The following KIF17 variants were observed in gnomAD, a reference collection of about 807,000 sequenced individuals.
KIF17 encodes the protein kinesin-like protein KIF17.
Under a neutral mutation model 96.8 loss-of-function variants are expected in KIF17, and 80 were observed. The observed-to-expected ratio is 0.83, with a 90% CI of 0.69 to 1.00. KIF17 has a LOEUF of 1.00. Ranked by LOEUF, KIF17 falls within the 50% of genes least tolerant of loss-of-function variation. The pLI is 0.00. For missense variants in KIF17, 1,280 were observed against 1,372.9 expected (o/e 0.93, Z 1.07); for synonymous variants, 567 against 587.5 (o/e 0.97, Z 0.51).
At chr1:20,701,547 G>C (rs1390063913) in intron 5 of KIF17, among the ~76,000 whole-genome samples, 1 of 152,242 alleles carries the variant, frequency 6.6e-6, no homozygotes. Context: ...TGAGCAGCGA[G>C]TGCAGAGAGA....
At chr1:20,705,508 G>C (rs1378317143) in intron 4 of KIF17, among the ~76,000 whole-genome samples, 1 of 152,188 alleles carries the variant, frequency 6.6e-6, no homozygotes, top group Non-Finnish European at 1.5e-5. Flanking sequence ...TTTTCCGCTT[G>C]CCAGCATAAT....
chr1:20,671,890 A>G (rs2053652864), intron 12 of KIF17, 48 bp downstream of exon 12: 1 of 1,599,954 alleles, frequency 6.3e-7, no homozygotes, highest in African/African-American at 1.3e-5. Flanking sequence ...GCAGGATGGT[A>G]AGCCGTGAAG....
chr1:20,697,423 CAT>C (rs1320338293), intron 6 of KIF17, among the ~76,000 whole-genome samples: 1 of 149,132 alleles, frequency 6.7e-6, no homozygotes, highest in African/African-American at 2.5e-5. Flanking sequence ...GCCTAGGCAA[CAT>C]AGAGACCCTA....
intron 11 of KIF17, among the ~76,000 whole-genome samples, chr1:20,680,121 A>G (rs59267050): frequency 0.034 from 5,118 of 152,228 alleles, 263 homozygotes; most frequent in African/African-American, 0.11. Context: ...AAGTGCTGAG[A>G]TTACAGGCAT....
Position 20,687,699 on chromosome 1 carries a change from A to G in KIF17, c.1627T>C (p.Ser543Pro). ...EISLGSSESS[S>P]LEETSVSEAF... ...TCGGACACAGAGGTTTCTTCGAGCGAGGATGACTCACTGGAGCCCAGAGAA... is the reference window on the plus strand; with the variant it reads ...TCGGACACAGAGGTTTCTTCGAGCGGGGATGACTCACTGGAGCCCAGAGAA... The change falls in exon 8 of 15, where the codon TCG (serine) becomes CCG (proline). Residue 543 changes from serine to proline, a missense_variant. Physicochemically the swap from Ser to Pro is moderately conservative, Grantham distance 74. Transcript: ENST00000400463. The surrounding 1 kb of genome is among the most constrained non-coding windows in gnomAD (Gnocchi z 4.4). 1 of 1,614,192 alleles carries G rather than the reference A, an allele frequency of 6.2e-7. No homozygotes were observed. The highest frequency in any genetic ancestry group is 8.5e-7 in the Non-Finnish European group (1 of 1,180,030).
Position 20,698,366 on chromosome 1 carries a change from G to C in KIF17, c.1233+13C>G, listed in dbSNP as rs371823681. On this transcript the variant is annotated intron_variant, in intron 6 of 14. Transcript: ENST00000400463. The stretch of plus-strand genomic sequence containing the variant: ...CTGTCCCTTCTCCATGTTCCCACCC[G>C]CTTGGGTCTCACCTCCCGGATCAGC... 1 of 1,596,944 alleles carries C rather than the reference G, an allele frequency of 6.3e-7. No individual in the cohort carries two copies. Among genetic ancestry groups the C allele is most frequent in the Admixed American group, 1.7e-5 (1 of 59,956 alleles).
intron 4 of KIF17, among the ~76,000 whole-genome samples, chr1:20,706,721 A>G (rs2154537362): frequency 7.1e-6 from 1 of 140,190 alleles, no homozygotes; most frequent in Non-Finnish European, 1.5e-5. Context: ...CCCCGTCTCT[A>G]CAAAAAAAAG....
chr1:20,712,608 A>AGATAATATC (rs1557606343), intron 3 of KIF17, among the ~76,000 whole-genome samples: 1 of 20,798 alleles, frequency 4.8e-5, no homozygotes, highest in Non-Finnish European at 1.6e-4. Flanking sequence ...ATATATCTAT[A>AGATAATATC]TATATATAAT....
Position 20,709,361 on chromosome 1 carries a change from A to T in KIF17, c.670+278T>A, listed in dbSNP as rs2054396296. Among the ~76,000 whole-genome samples, 1 of 152,222 alleles carries T rather than the reference A, an allele frequency of 6.6e-6. No homozygotes were observed. Among genetic ancestry groups the T allele is most frequent in the South Asian group, 2.1e-4 (1 of 4,836 alleles). On this transcript the variant is annotated intron_variant, in intron 4 of 14. Transcript: ENST00000400463. This position sits in a 1 kb window ranked among gnomAD's most constrained non-coding sequence, Gnocchi z 4.7. ...ACCACTGCACTCCAGCCTGGGTGAC[A>T]GGGTGACACTTTGTCTCAAAAAACA...
At chr1:20,670,765 G>A (rs1377170695) in intron 12 of KIF17, among the ~76,000 whole-genome samples, 1 of 152,194 alleles carries the variant, frequency 6.6e-6, no homozygotes, top group Admixed American at 6.5e-5. Flanking sequence ...GCATCCCAGA[G>A]CATGTGGGAA....
chr1:20,669,743 G>A (rs369109604), intron 13 of KIF17, among the ~76,000 whole-genome samples: 10 of 146,862 alleles, frequency 6.8e-5, no homozygotes, highest in South Asian at 2.1e-4. Flanking sequence ...ATGGTGGTGC[G>A]CGCCTGTAGT....
At chr1:20,683,990 G>A (rs755093038) in intron 10 of KIF17, among the ~76,000 whole-genome samples, 5 of 152,238 alleles carry the variant, frequency 3.3e-5, no homozygotes, top group African/African-American at 7.2e-5. Context: ...CGTGCCCAGC[G>A]CGGGGCTGCC....
rs1410208386 is a variant in KIF17, at chr1:20,700,799, C to A, written c.1124-2311G>T. The stretch of plus-strand genomic sequence containing the variant: ...AACCCGAGTCCACACCCCAAGCCAC[C>A]TGCTGTATGTAACTCTCACACCAAG... On this transcript the variant is annotated intron_variant, in intron 5 of 14. Coordinates refer to ENST00000400463, the MANE Select transcript of KIF17 (RefSeq NM_001122819.3). The surrounding 1 kb of genome is among the most constrained non-coding windows in gnomAD (Gnocchi z 4.6). Among the ~76,000 whole-genome samples the A allele has an allele frequency of 1.3e-5, 2 of 152,158 alleles. No homozygotes were observed. The highest frequency in any genetic ancestry group is 6.5e-5 in the Admixed American group (1 of 15,272).
chr1:20,715,753 G>C, intron 1 of KIF17, 114 bp from the exon 2 acceptor site: 1 of 1,231,226 alleles, frequency 8.1e-7, no homozygotes, highest in Non-Finnish European at 1.2e-6. Context: ...CACCAACAAT[G>C]GCACTGGACT....
intron 6 of KIF17, among the ~76,000 whole-genome samples, chr1:20,690,680 G>A (rs915679529): frequency 3.4e-5 from 5 of 148,080 alleles, no homozygotes; most frequent in African/African-American, 1.2e-4. Flanking sequence ...GCCACCATCA[G>A]CAAAAAAAAA....
At position 20,690,768 on chromosome 1, in the gene KIF17, G is replaced by A. The variant is rs1037308770; in HGVS notation, c.1234-433C>T. Among the ~76,000 whole-genome samples, 589 of 151,692 alleles carry A rather than the reference G, an allele frequency of 3.9e-3. 7 individuals carry two copies. The highest frequency in any genetic ancestry group is 0.014 in the African/African-American group (568 of 41,356). ...GTGGCGCCATCTCGGCTCACTGCAA[G>A]CTCTGCCTCCCAGGTTCACACCATT... is the stretch of plus-strand genomic sequence containing the variant. On this transcript the variant is annotated intron_variant, in intron 6 of 14. Transcript: ENST00000400463.
chr1:20,712,846 A>C lies in KIF17; in HGVS notation c.480+608T>G, dbSNP rs1179111876. ...TAGATATTATCTATATTATAGATATAGATAATATTATCTATATTATAGATA... is the reference window on the plus strand; with the variant it reads ...TAGATATTATCTATATTATAGATATCGATAATATTATCTATATTATAGATA... On this transcript the variant is annotated intron_variant, in intron 3 of 14. Coordinates refer to ENST00000400463, the MANE Select transcript of KIF17 (RefSeq NM_001122819.3). Among the ~76,000 whole-genome samples the C allele has an allele frequency of 3.0e-4, 4 of 13,532 alleles. 1 individual carries two copies. The highest frequency in any genetic ancestry group is 8.8e-4 in the Non-Finnish European group (4 of 4,568). 8.9% of individuals were successfully genotyped at this position (13,532 alleles called of 152,430 possible).
In KIF17 at chr1:20,672,001, C is replaced by T; in HGVS notation, c.2659G>A (p.Asp887Asn). Residue 887 changes from aspartate to asparagine, a missense_variant, in exon 12 of 15, where the codon GAC becomes AAC. Asp to Asn is a conservative substitution (Grantham distance 23, BLOSUM62 1). Coordinates refer to ENST00000400463, the MANE Select transcript of KIF17 (RefSeq NM_001122819.3). The surrounding 1 kb of genome is among the most constrained non-coding windows in gnomAD (Gnocchi z 4.3). ...ATCTTCCAGAAGCCGTTATCTTCGT[C>T]CCAGCAGGACTCACGCAGAATCTTC... ...LEKILRESCW[D>N]EDNGFWKIPH... 1.2e-6 allele frequency: 2 copies of T among 1,614,078 alleles called. No homozygotes were observed. Among genetic ancestry groups the T allele is most frequent in the Admixed American group, 1.7e-5 (1 of 60,020 alleles).
chr1:20,692,300 C>A (rs2054052833), intron 6 of KIF17, among the ~76,000 whole-genome samples: 1 of 152,084 alleles, frequency 6.6e-6, no homozygotes, highest in South Asian at 2.1e-4. Context: ...CTCTCAGAAG[C>A]AGAAGGCCTC....
Sources: allele counts gnomAD v4.1 joint callset (sites outside exome capture counted in the v4.1 genomes callset), GRCh38; gene constraint gnomAD v4.1.1; non-coding constraint Gnocchi (gnomAD v3.1); transcripts MANE v1.5; gene names NCBI Gene and HGNC (gene_info 2026-07-23, HGNC 2026-07-21).